The following TAFA1 variants were observed in gnomAD, a reference collection of about 807,000 sequenced individuals.
The protein encoded by TAFA1 is chemokine-like protein TAFA-1.
In TAFA1, 4 loss-of-function variants were observed where a neutral mutation model predicts 18.5. That is an observed-to-expected ratio of 0.22 (90% CI 0.11 to 0.49). The LOEUF is 0.49. Ranked by LOEUF, TAFA1 falls within the 20% of genes least tolerant of loss-of-function variation. The pLI is 0.98. For synonymous variants in TAFA1, 56 were observed against 55.2 expected (o/e 1.01, Z -0.06); for missense variants, 147 against 169.0 (o/e 0.87, Z 0.72).
intron 2 of TAFA1, among the ~76,000 whole-genome samples, chr3:68,319,723 A>T (rs757204807): frequency 3.5e-4 from 53 of 152,246 alleles, no homozygotes; most frequent in Admixed American, 5.9e-4. Flanking sequence ...ATCATGCTCA[A>T]AATGGATTGA....
chr3:68,418,148 C>A (rs546326802), intron 3 of TAFA1, among the ~76,000 whole-genome samples: 1 of 152,024 alleles, frequency 6.6e-6, no homozygotes, highest in Non-Finnish European at 1.5e-5. Flanking sequence ...TATTTTCATG[C>A]GCATCCGTGT....
intron 2 of TAFA1, among the ~76,000 whole-genome samples, chr3:68,117,297 G>A (rs1443157364): frequency 1.3e-5 from 2 of 152,090 alleles, no homozygotes; most frequent in African/African-American, 2.4e-5. Flanking sequence ...CTTCTCAGGA[G>A]CACATTAATT....
chr3:68,226,968 C>T (rs947931595), intron 2 of TAFA1, among the ~76,000 whole-genome samples: 1 of 152,142 alleles, frequency 6.6e-6, no homozygotes, highest in Admixed American at 6.6e-5. Context: ...GGTACGTAGC[C>T]TTGGCCGAGG....
chr3:68,369,228 A>G (rs2069633120), intron 2 of TAFA1, among the ~76,000 whole-genome samples: 1 of 152,150 alleles, frequency 6.6e-6, no homozygotes, highest in Non-Finnish European at 1.5e-5. Context: ...TGTGTCTTGG[A>G]TATAAATTGT....
chr3:68,526,967 A>G (rs371659248), intron 3 of TAFA1, among the ~76,000 whole-genome samples: 5 of 152,290 alleles, frequency 3.3e-5, no homozygotes, highest in African/African-American at 9.6e-5. Flanking sequence ...CTTTAGGGTC[A>G]CTCTTAAATA....
chr3:68,018,787 A>G (rs1378029797), intron 2 of TAFA1, among the ~76,000 whole-genome samples: 1 of 152,232 alleles, frequency 6.6e-6, no homozygotes, highest in Non-Finnish European at 1.5e-5. Context: ...ATGTAAAAGA[A>G]TATGTTAATG....
At chr3:68,525,791 G>C (rs1270872810) in intron 3 of TAFA1, among the ~76,000 whole-genome samples, 1 of 152,002 alleles carries the variant, frequency 6.6e-6, no homozygotes, top group Non-Finnish European at 1.5e-5. Context: ...GAAGATATCA[G>C]TCTCCCCTAG....
chr3:68,157,078 G>T (rs1424166419), intron 2 of TAFA1, among the ~76,000 whole-genome samples: 1 of 152,172 alleles, frequency 6.6e-6, no homozygotes, highest in Non-Finnish European at 1.5e-5. Context: ...TTTTAGTTCA[G>T]ATTGACTTAA....
At chr3:68,393,999 G>A (rs75882358) in intron 2 of TAFA1, among the ~76,000 whole-genome samples, 4,094 of 152,194 alleles carry the variant, frequency 0.027, 81 homozygotes, top group East Asian at 0.092. Flanking sequence ...ACATAGTATT[G>A]GAAGTTCTAG....
At chr3:68,317,935 C>T (rs1439141911) in intron 2 of TAFA1, among the ~76,000 whole-genome samples, 1 of 152,110 alleles carries the variant, frequency 6.6e-6, no homozygotes, top group African/African-American at 2.4e-5. Context: ...TTATCCTTCC[C>T]ACAGCCTTGA....
upstream of TAFA1, among the ~76,000 whole-genome samples, chr3:67,999,285 C>CTGTG (rs373368779): frequency 0.011 from 53 of 4,716 alleles, no homozygotes; most frequent in African/African-American, 0.017. Flanking sequence ...CCCCCCCTCT[C>CTGTG]TCTGTGTGTG....
intron 2 of TAFA1, among the ~76,000 whole-genome samples, chr3:68,377,653 G>A (rs1207232202): frequency 6.6e-6 from 1 of 152,192 alleles, no homozygotes; most frequent in Non-Finnish European, 1.5e-5. Flanking sequence ...CCAACACAAT[G>A]GGGAAAATGT....
At chr3:68,245,507 G>A (rs1050023639) in intron 2 of TAFA1, among the ~76,000 whole-genome samples, 7 of 152,128 alleles carry the variant, frequency 4.6e-5, no homozygotes, top group Non-Finnish European at 8.8e-5. Context: ...TTTCATGGAG[G>A]CTTGCATAGA....
Position 68,101,296 on chromosome 3 carries a change from T to C in TAFA1, c.118+94552T>C, listed in dbSNP as rs1374993383. Among the ~76,000 whole-genome samples, 4 of 150,502 alleles carry C rather than the reference T, an allele frequency of 2.7e-5. No homozygotes were observed. The East Asian group carries it at 5.8e-4, about 22-fold the overall frequency. Reference sequence around the variant, plus strand: ...ATTTTTATTTTTATTTTATATTATATTTTTAAAATTTTATTATTATTAAAC... The same window carrying C: ...ATTTTTATTTTTATTTTATATTATACTTTTAAAATTTTATTATTATTAAAC... On this transcript the variant is annotated intron_variant, in intron 2 of 4. Coordinates refer to ENST00000478136, the MANE Select transcript of TAFA1 (RefSeq NM_213609.4).
chr3:68,317,138 G>A (rs898331147), intron 2 of TAFA1, among the ~76,000 whole-genome samples: 1 of 152,084 alleles, frequency 6.6e-6, no homozygotes, highest in African/African-American at 2.4e-5. Flanking sequence ...TTGAGTATTA[G>A]GAAAAAGAGT....
intron 2 of TAFA1, among the ~76,000 whole-genome samples, chr3:68,051,931 A>G (rs367937513): frequency 3.9e-5 from 6 of 152,288 alleles, no homozygotes; most frequent in Admixed American, 2.0e-4. Flanking sequence ...TTTGCATTCT[A>G]TAATTTCTAT....
chr3:68,260,195 T>G (rs2067386301), intron 2 of TAFA1, among the ~76,000 whole-genome samples: 2 of 152,142 alleles, frequency 1.3e-5, no homozygotes, highest in Admixed American at 1.3e-4. Flanking sequence ...ATTGAGATAA[T>G]CATGTGGTTT....
intron 2 of TAFA1, among the ~76,000 whole-genome samples, chr3:68,385,980 T>C (rs577895490): frequency 5.9e-5 from 9 of 152,240 alleles, no homozygotes; most frequent in Non-Finnish European, 1.3e-4. Context: ...AATATATTAG[T>C]GTTAACTCTG....
At chr3:67,994,964 TAATGGAAGC>T in the TAFA1 span, among the ~76,000 whole-genome samples, 1 of 152,078 alleles carries the variant, frequency 6.6e-6, no homozygotes, top group Non-Finnish European at 1.5e-5. Flanking sequence ...GGATCATAAG[TAATGGAAGC>T]AACCATGAAA....
Sources: gnomAD v4.1 joint callset for allele counts (sites outside exome capture counted in the v4.1 genomes callset) on GRCh38, gnomAD v4.1.1 for gene constraint, MANE v1.5 for transcripts, NCBI Gene and HGNC (gene_info 2026-07-23, HGNC 2026-07-21) for gene names.